XDH: variants seen among roughly 807,000 people sequenced by gnomAD.
The protein encoded by XDH is xanthine dehydrogenase.
A neutral mutation model predicts 156.1 loss-of-function variants in XDH; 138 were observed. The ratio of observed to expected loss-of-function variants is 0.88; its 90% confidence interval spans 0.77 to 1.02. The LOEUF (loss-of-function observed/expected upper bound fraction) is 1.02. Ranked by LOEUF, XDH falls within the 50% of genes least tolerant of loss-of-function variation. XDH has a pLI of 0.00. For synonymous variants in XDH, 669 were observed against 625.7 expected (o/e 1.07, Z -1.03); for missense variants, 1,849 against 1,684.9 (o/e 1.10, Z -1.71).
At chr2:31,394,706 T>G (rs994188759) in intron 6 of XDH, among the ~76,000 whole-genome samples, 7 of 152,214 alleles carry the variant, frequency 4.6e-5, no homozygotes, top group African/African-American at 1.4e-4. Flanking sequence ...CACACAGTTC[T>G]TATTTGTTTC....
intron 3 of XDH, 43 bp downstream of exon 3, chr2:31,403,005 T>A: frequency 3.7e-6 from 6 of 1,609,114 alleles, no homozygotes; most frequent in Non-Finnish European, 5.1e-6. Flanking sequence ...TGGTCCTGCA[T>A]CGCAGCCCCC....
At chr2:31,406,624 C>T (rs550093834) in intron 1 of XDH, among the ~76,000 whole-genome samples, 1 of 152,354 alleles carries the variant, frequency 6.6e-6, no homozygotes, top group South Asian at 2.1e-4. Flanking sequence ...CACCACAGAA[C>T]ATGCAGGCAT....
chr2:31,387,737 G>C, intron 8 of XDH, 74 bp downstream of exon 8: 9 of 1,342,450 alleles, frequency 6.7e-6, no homozygotes, highest in Non-Finnish European at 8.3e-6. Flanking sequence ...TTCCCAGTGG[G>C]TATGAAAATA....
At chr2:31,342,033 T>G in intron 32 of XDH, 150 bp downstream of exon 32, 2 of 713,668 alleles carry the variant, frequency 2.8e-6, no homozygotes, top group Non-Finnish European at 4.8e-6. Flanking sequence ...AAACACTTAC[T>G]CTGTGGCCCT....
At chr2:31,362,870 G>C (rs1424062511) in intron 24 of XDH, among the ~76,000 whole-genome samples, 1 of 152,306 alleles carries the variant, frequency 6.6e-6, no homozygotes. Context: ...GCTAGTATGA[G>C]AGTGTTCAGA....
intron 24 of XDH, among the ~76,000 whole-genome samples, chr2:31,358,945 A>G (rs1283916148): frequency 6.6e-6 from 1 of 152,164 alleles, no homozygotes; most frequent in East Asian, 1.9e-4. Context: ...AAACATGCAG[A>G]TTGGAAAGGA....
Position 31,350,229 on chromosome 2 carries a change from G to A in XDH, c.2632-6C>T. ...AATAAAGCTCGTTCCATAATCTGAA[G>A]CAGAGGAAACAAAAATGGGAGAGAA... On this transcript the variant is annotated splice_polypyrimidine_tract_variant and splice_region_variant and intron_variant, in intron 24 of 35. Coordinates refer to ENST00000379416, the MANE Select transcript of XDH (RefSeq NM_000379.4). The A allele has an allele frequency of 6.2e-7, 1 of 1,614,170 alleles. No homozygotes were observed.
At chr2:31,350,311 G>C (rs1685433504) in intron 24 of XDH, 88 bp from the exon 25 acceptor site, 1 of 1,359,886 alleles carries the variant, frequency 7.4e-7, no homozygotes, top group African/African-American at 1.5e-5. Context: ...TGTATCCATT[G>C]CCTGCCTTTC....
At chr2:31,350,777 T>A (rs1005048522) in intron 24 of XDH, among the ~76,000 whole-genome samples, 1 of 152,188 alleles carries the variant, frequency 6.6e-6, no homozygotes, top group Admixed American at 6.5e-5. Flanking sequence ...TGCCTCTTTT[T>A]GAAAACAGTT....
At position 31,377,609 on chromosome 2, in the gene XDH, T is replaced by C. The variant is rs373895725; in HGVS notation, c.1243-372A>G. Among the ~76,000 whole-genome samples, 14 of 152,212 alleles carry C rather than the reference T, an allele frequency of 9.2e-5. No individual in the cohort carries two copies. The East Asian group carries it at 2.3e-3, about 25-fold the overall frequency. On this transcript the variant is annotated intron_variant, in intron 13 of 35. Coordinates refer to ENST00000379416, the MANE Select transcript of XDH (RefSeq NM_000379.4). ...TTACCTTCCCTACCCTGGTGCCCAC[T>C]ATCAGTGCCCACCCAGCCTCTCTGG...
chr2:31,395,726 T>C (rs1572562493), intron 6 of XDH, among the ~76,000 whole-genome samples: 1 of 152,254 alleles, frequency 6.6e-6, no homozygotes, highest in Admixed American at 6.5e-5. Context: ...ATATGCCGTG[T>C]CTGCCTGTCT....
chr2:31,409,464 CCTT>C (rs1005390370), intron 1 of XDH, among the ~76,000 whole-genome samples: 2 of 152,094 alleles, frequency 1.3e-5, no homozygotes, highest in African/African-American at 4.8e-5. Context: ...TTCCATCTCC[CCTT>C]CTTCTCTTTT....
chr2:31,351,256 AT>A (rs1406295732), intron 24 of XDH, among the ~76,000 whole-genome samples: 1 of 152,012 alleles, frequency 6.6e-6, no homozygotes, highest in Non-Finnish European at 1.5e-5. Flanking sequence ...TCTTGATAAT[AT>A]TTTTTTCACC....
At chr2:31,373,198 G>A (rs1006596319) in intron 16 of XDH, among the ~76,000 whole-genome samples, 1 of 152,294 alleles carries the variant, frequency 6.6e-6, no homozygotes, top group African/African-American at 2.4e-5. Flanking sequence ...AGTTGTTCAA[G>A]GTTGCACAAT....
chr2:31,360,863 G>T (rs1685758817), intron 24 of XDH, among the ~76,000 whole-genome samples: 1 of 148,596 alleles, frequency 6.7e-6, no homozygotes, highest in African/African-American at 2.6e-5. Flanking sequence ...TGTATAACAA[G>T]GAGTTCAGTA....
intron 16 of XDH, among the ~76,000 whole-genome samples, chr2:31,372,840 T>C (rs1686115520): frequency 1.3e-5 from 2 of 152,052 alleles, no homozygotes; most frequent in African/African-American, 2.4e-5. Flanking sequence ...TACATGTCCA[T>C]ATACACATAG....
chr2:31,405,871 C>A (rs1453233687), intron 2 of XDH, 36 bp downstream of exon 2: 1 of 1,612,842 alleles, frequency 6.2e-7, no homozygotes, highest in South Asian at 1.1e-5. Context: ...ACCATTGCCC[C>A]CCTTCTCCGT....
chr2:31,363,819 TATATTA>T (rs1685838942), intron 24 of XDH, among the ~76,000 whole-genome samples: 1 of 152,088 alleles, frequency 6.6e-6, no homozygotes, highest in East Asian at 1.9e-4. Context: ...TATAGTAATA[TATATTA>T]GTATTAGTTT....
In XDH at chr2:31,386,444, C is replaced by A. The variant is rs151251011; in HGVS notation, c.763G>T (p.Ala255Ser). The A allele has an allele frequency of 6.2e-7, 1 of 1,613,834 alleles. No homozygotes were observed. Among genetic ancestry groups the A allele is most frequent in the South Asian group, 1.1e-5 (1 of 91,066 alleles). ...LLDLKAQHPDAKLVVGNTEIG... is the reference protein window; with the variant it reads ...LLDLKAQHPDSKLVVGNTEIG... ...TCCGTGTTCCCCACGACCAGCTTGG[C>A]GTCAGGGTGCTGAGCCTTGAGGTCC... The change falls in exon 9 of 36, where the codon GCC becomes TCC. Residue 255 changes from alanine (A) to serine (S), a missense_variant. Transcript: ENST00000379416.
Sources: allele counts gnomAD v4.1 joint callset (sites outside exome capture counted in the v4.1 genomes callset), GRCh38; gene constraint gnomAD v4.1.1; transcripts MANE v1.5; gene names NCBI Gene and HGNC (gene_info 2026-07-23, HGNC 2026-07-21).